Variants in EP400 observed in about 807,000 individuals in gnomAD.
EP400 encodes E1A-binding protein p400.
A neutral mutation model predicts 354.1 loss-of-function variants in EP400; 105 were observed. The observed-to-expected ratio is 0.30, with a 90% CI of 0.25 to 0.35. EP400 has a LOEUF of 0.35. Ranked by LOEUF, EP400 falls within the 10% of genes least tolerant of loss-of-function variation. EP400 has a pLI of 1.00. For synonymous variants in EP400, 1,646 were observed against 1,716.9 expected, an observed-to-expected ratio of 0.96 and a Z score of 1.02; for missense variants, 3,280 against 4,121.0, an observed-to-expected ratio of 0.80 and a Z score of 5.59.
At chr12:131,950,374 G>C (rs1057304230) in intron 1 of EP400, among the ~76,000 whole-genome samples, 3 of 152,174 alleles carry the variant, frequency 2.0e-5, no homozygotes, top group African/African-American at 7.2e-5. Flanking sequence ...GGGGACTCCG[G>C]CCCGCGCCTC....
chr12:131,987,982 A>AATTTTT, intron 7 of EP400, 92 bp downstream of exon 7: 1 of 628,608 alleles, frequency 1.6e-6, no homozygotes, highest in Non-Finnish European at 2.2e-6. Flanking sequence ...CTCCAGACCC[A>AATTTTT]CTTTTTTTTT....
chr12:131,976,966 A>G (rs1168392167), intron 2 of EP400, among the ~76,000 whole-genome samples: 2 of 152,176 alleles, frequency 1.3e-5, no homozygotes, highest in Non-Finnish European at 2.9e-5. Flanking sequence ...TCCATAGAGC[A>G]CAGACTGGGG....
Position 132,044,226 on chromosome 12 carries a change from C to G in EP400, c.6500C>G (p.Thr2167Ser). The part of the protein sequence containing the change: ...VRAWEFWNLK[T>S]LQEREARLRL... ...GCATGGGAGTTCTGGAACCTGAAGA[C>G]CCTGCAGGAGAGGGAGGCCCGGCTG... Residue 2167 changes from threonine to serine, a missense_variant, in exon 35 of 53, where the codon ACC (threonine) becomes AGC (serine). Transcript: ENST00000389561. The G allele has an allele frequency of 6.2e-7, 1 of 1,614,216 alleles. No homozygotes were observed. The highest frequency in any genetic ancestry group is 1.3e-5 in the African/African-American group (1 of 75,066).
chr12:132,035,638 TCA>T (rs748569202), intron 30 of EP400, among the ~76,000 whole-genome samples: 2 of 146,052 alleles, frequency 1.4e-5, no homozygotes, highest in South Asian at 2.2e-4. Context: ...ACACCCAGGT[TCA>T]CACACACAGC....
chr12:132,011,356 TC>T lies in EP400; in HGVS notation c.3305-135del, dbSNP rs548642500. 264 of 1,019,204 alleles carry T rather than the reference TC, an allele frequency of 2.6e-4. 1 individual carries two copies. The African/African-American group carries it at 3.8e-3, about 15-fold the overall frequency. 63.1% of individuals were successfully genotyped at this position (1,019,204 alleles called of 1,614,324 possible). On this transcript the variant is annotated intron_variant, in intron 15 of 52. Coordinates refer to ENST00000389561, the MANE Select transcript of EP400 (RefSeq NM_015409.5). ...GCTGGCTCCAGATGAATGCACTTGT[TC>T]CCCCCCAAGTCTGCCTCAGTCGTGC...
rs1051014025 is a variant in EP400, at chr12:132,077,827, A to C, written c.*154A>C. The stretch of plus-strand genomic sequence containing the variant: ...TAGTGTAATCATTTTATTAAAATGC[A>C]TCCCACACTGCAGGACAAATGGTCC... On this transcript the variant is annotated 3_prime_UTR_variant, in exon 53 of 53. Transcript: ENST00000389561. The C allele has an allele frequency of 1.0e-6, 1 of 999,782 alleles. No homozygotes were observed. Among genetic ancestry groups the C allele is most frequent in the African/African-American group, 1.6e-5 (1 of 61,182 alleles). The allele number at this position is 999,782 out of a possible 1,614,324, so 61.9% of individuals were successfully genotyped here. A position where few individuals can be genotyped will look rare whatever the true frequency, so the allele number is the denominator to read the frequency against.
At chr12:132,072,114 C>T (rs987204288) in intron 51 of EP400, among the ~76,000 whole-genome samples, 4 of 152,258 alleles carry the variant, frequency 2.6e-5, no homozygotes, top group East Asian at 1.9e-4. Context: ...CTCGTTCGTG[C>T]GCTCTGCCTG....
intron 12 of EP400, among the ~76,000 whole-genome samples, chr12:131,998,928 C>G (rs1400302562): frequency 7.0e-6 from 1 of 142,984 alleles, no homozygotes; most frequent in Non-Finnish European, 1.5e-5. Flanking sequence ...GTCTTGTATA[C>G]AAAGTCTTTG....
In EP400 at chr12:132,053,513, ACAGCCC is replaced by A; in HGVS notation, c.7648_7653del (p.Pro2550_Gln2551del). The A allele has an allele frequency of 6.5e-7, 1 of 1,540,556 alleles. No homozygotes were observed. The highest frequency in any genetic ancestry group is 2.4e-5 in the East Asian group (1 of 41,258). ...CAGCTGTCCAGCCCCAACCCCAGCC[ACAGCCC>A]CAGACCCAGCCACAGCCTGTGCAGG... On this transcript the variant is annotated inframe_deletion, in exon 43 of 53. Coordinates refer to ENST00000389561, the MANE Select transcript of EP400 (RefSeq NM_015409.5).
chr12:131,954,467 G>A (rs1249632436), intron 1 of EP400, among the ~76,000 whole-genome samples: 2 of 152,094 alleles, frequency 1.3e-5, no homozygotes, highest in Non-Finnish European at 2.9e-5. Context: ...GCTCGTGCCT[G>A]TAATCCCAGC....
At chr12:131,978,968 G>A (rs573787116) in intron 2 of EP400, among the ~76,000 whole-genome samples, 4 of 152,248 alleles carry the variant, frequency 2.6e-5, no homozygotes, top group East Asian at 3.9e-4. Context: ...TGTAATCCCA[G>A]CACTTTGGGA....
chr12:131,997,532 A>G (rs955684582), intron 12 of EP400, among the ~76,000 whole-genome samples: 6 of 152,088 alleles, frequency 3.9e-5, no homozygotes, highest in Admixed American at 2.0e-4. Flanking sequence ...CTGGGTTTAC[A>G]GGTGTGAGCC....
intron 2 of EP400, among the ~76,000 whole-genome samples, chr12:131,975,329 ACTGT>A (rs1267742636): frequency 6.6e-6 from 1 of 152,158 alleles, no homozygotes; most frequent in Non-Finnish European, 1.5e-5. Context: ...TGTTGAAAAG[ACTGT>A]CTGTTCCCCA....
At chr12:131,991,039 T>G (rs1235861502) in intron 9 of EP400, among the ~76,000 whole-genome samples, 3 of 152,104 alleles carry the variant, frequency 2.0e-5, no homozygotes, top group Non-Finnish European at 4.4e-5. Flanking sequence ...GGTGACGCCT[T>G]CCTTTGATGT....
rs1289989363 is a variant in EP400, at chr12:131,958,448, ATGTT to A, written c.-35-2132_-35-2129del. Among the ~76,000 whole-genome samples the A allele has an allele frequency of 2.6e-5, 4 of 152,186 alleles. No individual in the cohort carries two copies. In the East Asian group the frequency reaches 7.7e-4, roughly 29 times the overall value. On this transcript the variant is annotated intron_variant, in intron 1 of 52. Transcript: ENST00000389561. ...GCTAGTTTAAATATGCACTTTTTAA[ATGTT>A]TGTTAGGAATATGCTTGTGCATTTA...
At chr12:131,977,186 G>A (rs369277127) in intron 2 of EP400, among the ~76,000 whole-genome samples, 6 of 152,116 alleles carry the variant, frequency 3.9e-5, no homozygotes, top group Non-Finnish European at 8.8e-5. Context: ...ACCCAGGTTG[G>A]AGTGCAGTAG....
rs1891980799 is a variant in EP400, at chr12:131,963,760, T to C, written c.1335+1806T>C. On this transcript the variant is annotated intron_variant, in intron 2 of 52. Transcript: ENST00000389561. The stretch of plus-strand genomic sequence containing the variant: ...TTTTTTTTCCAGAGCCCATTTCTTA[T>C]TTTTCAACAGTAAAAAATCTTCCTG... 10 of 713,488 alleles carry C rather than the reference T, an allele frequency of 1.4e-5. No individual in the cohort carries two copies. In the Admixed American group the frequency reaches 2.4e-4, roughly 17 times the overall value. 44.2% of individuals were successfully genotyped at this position (713,488 alleles called of 1,614,324 possible).
At chr12:132,001,126 C>T (rs954334923) in intron 12 of EP400, among the ~76,000 whole-genome samples, 19 of 152,054 alleles carry the variant, frequency 1.2e-4, no homozygotes, top group Non-Finnish European at 5.9e-5. Flanking sequence ...AATAAAGACA[C>T]GAGACAAAGA....
rs929143263 is a variant in EP400 at position 132,075,406 on chromosome 12, C to G, written c.9022-1110C>G. Among the ~76,000 whole-genome samples, 1 of 152,162 alleles carries G rather than the reference C, an allele frequency of 6.6e-6. No homozygotes were observed. The highest frequency in any genetic ancestry group is 2.1e-4 in the South Asian group (1 of 4,828). ...GTTTGGAGACTGGCAGTTCCTGACT[C>G]TTTGCAGGTTTCTTGGTACATTTAA... On this transcript the variant is annotated intron_variant, in intron 51 of 52. Coordinates refer to ENST00000389561, the MANE Select transcript of EP400 (RefSeq NM_015409.5). This position sits in a 1 kb window ranked among gnomAD's most constrained non-coding sequence, Gnocchi z 4.5.
Sources: allele counts gnomAD v4.1 joint callset (sites outside exome capture counted in the v4.1 genomes callset), GRCh38; gene constraint gnomAD v4.1.1; non-coding constraint Gnocchi (gnomAD v3.1); transcripts MANE v1.5; gene names NCBI Gene and HGNC (gene_info 2026-07-23, HGNC 2026-07-21).